MAP4K3: variants seen among roughly 807,000 people sequenced by gnomAD.
The protein encoded by MAP4K3 is mitogen-activated protein kinase kinase kinase kinase 3, also known as MAPK/ERK kinase kinase kinase 3.
In MAP4K3, 94 loss-of-function variants were observed where a neutral mutation model predicts 143.5. The observed-to-expected ratio is 0.65, with a 90% CI of 0.55 to 0.78. The LOEUF is 0.78. Ranked by LOEUF, MAP4K3 falls within the 30% of genes least tolerant of loss-of-function variation. The pLI is 0.00. For missense variants in MAP4K3, 1,077 were observed against 1,068.1 expected (o/e 1.01, Z -0.12); for synonymous variants, 416 against 347.2 (o/e 1.20, Z -2.20).
chr2:39,398,295 A>C (rs1448899569), intron 1 of MAP4K3, among the ~76,000 whole-genome samples: 2 of 152,162 alleles, frequency 1.3e-5, no homozygotes, highest in Admixed American at 1.3e-4. Flanking sequence ...CTATATAGTA[A>C]AAAAAGAAAA....
rs56299783 is a variant in MAP4K3 at position 39,295,715 on chromosome 2, GTTTTTTT to G, written c.1179-2454_1179-2448del. 6.1e-5 allele frequency among the ~76,000 whole-genome samples: 6 copies of G among 98,548 alleles called. No homozygotes were observed. The Admixed American group carries it at 7.0e-4, about 12-fold the overall frequency. 64.7% of individuals were successfully genotyped at this position (98,548 alleles called of 152,430 possible). A position where few individuals can be genotyped will look rare whatever the true frequency, so the allele number is the denominator to read the frequency against. On this transcript the variant is annotated intron_variant, in intron 16 of 33. Coordinates refer to ENST00000263881, the MANE Select transcript of MAP4K3 (RefSeq NM_003618.4). ...GATTTATATTGCATTCGCATTCCAT[GTTTTTTT>G]TTTTTTTTTTTTTGAGATGGAGTCT...
chr2:39,384,025 G>T (rs903794995), intron 1 of MAP4K3, among the ~76,000 whole-genome samples: 1 of 151,334 alleles, frequency 6.6e-6, no homozygotes, highest in African/African-American at 2.4e-5. Context: ...GTGGGAGGAG[G>T]ATCAATTGAG....
chr2:39,266,654 G>T (rs1680779449), intron 27 of MAP4K3, among the ~76,000 whole-genome samples: 1 of 152,040 alleles, frequency 6.6e-6, no homozygotes, highest in African/African-American at 2.4e-5. Flanking sequence ...TATACTTGTG[G>T]TATAATGACT....
At chr2:39,306,173 T>A (rs915879906) in intron 15 of MAP4K3, among the ~76,000 whole-genome samples, 1 of 152,242 alleles carries the variant, frequency 6.6e-6, no homozygotes, top group Non-Finnish European at 1.5e-5. Context: ...TTTGTTGTTA[T>A]CTTTTCTACA....
At chr2:39,309,780 G>A (rs978236388) in intron 13 of MAP4K3, among the ~76,000 whole-genome samples, 1 of 151,544 alleles carries the variant, frequency 6.6e-6, no homozygotes, top group Non-Finnish European at 1.5e-5. Flanking sequence ...GGATGGTCTC[G>A]ATCCCCTGAC....
chr2:39,396,518 C>T (rs55802549), intron 1 of MAP4K3, among the ~76,000 whole-genome samples: 2,221 of 147,828 alleles, frequency 0.015, 57 homozygotes, highest in African/African-American at 0.052. Context: ...CTCACTTTGT[C>T]GCCCAGGCTG....
chr2:39,288,193 G>C lies in MAP4K3; in HGVS notation c.1402C>G (p.Pro468Ala), dbSNP rs1176716171. The part of the protein sequence containing the change: ...TIKRCPMSGS[P>A]AKPSQVPPRP... The stretch of plus-strand genomic sequence containing the variant: ...GGTGGAACTTGGGATGGCTTTGCTG[G>C]GCTCCCTGACATGGGACATCTCTTG... Residue 468 changes from proline (P) to alanine (A), a missense_variant, in exon 20 of 34, where the codon CCA becomes GCA. Transcript: ENST00000263881. 3 of 1,614,032 alleles carry C rather than the reference G, an allele frequency of 1.9e-6. No individual in the cohort carries two copies. The highest frequency in any genetic ancestry group is 2.5e-6 in the Non-Finnish European group (3 of 1,179,988).
intron 4 of MAP4K3, among the ~76,000 whole-genome samples, chr2:39,342,108 G>GTATTATTATTAT (rs113261872): frequency 1.4e-5 from 2 of 143,144 alleles, no homozygotes; most frequent in South Asian, 2.3e-4. Context: ...TGTCTTTCTA[G>GTATTATTATTAT]TATTATTATT....
intron 28 of MAP4K3, among the ~76,000 whole-genome samples, chr2:39,262,748 C>G (rs1029995241): frequency 2.0e-5 from 3 of 152,094 alleles, no homozygotes; most frequent in Non-Finnish European, 2.9e-5. Context: ...CGGTGCCTTG[C>G]CTGCAATAGG....
In MAP4K3 at chr2:39,309,484, CCTTT is replaced by C. The variant is rs1396665306; in HGVS notation, c.1029_1032del (p.Lys344ArgfsTer45). On this transcript the variant is annotated frameshift_variant, in exon 14 of 34. Coordinates refer to ENST00000263881, the MANE Select transcript of MAP4K3 (RefSeq NM_003618.4). LOFTEE classifies it high-confidence loss of function. ...ACAAGTTCATGATGTGGTTCTGTCTCCTTTCTTAAGGGTGGATCAAATTTCACTT... is the reference window on the plus strand; with the variant it reads ...ACAAGTTCATGATGTGGTTCTGTCTCCTTAAGGGTGGATCAAATTTCACTT... 1.3e-6 allele frequency: 2 copies of C among 1,593,948 alleles called. No homozygotes were observed. Among genetic ancestry groups the C allele is most frequent in the African/African-American group, 1.4e-5 (1 of 73,408 alleles).
At chr2:39,260,447 G>A (rs1286115010) in intron 29 of MAP4K3, among the ~76,000 whole-genome samples, 159 bp downstream of exon 29, 3 of 152,162 alleles carry the variant, frequency 2.0e-5, no homozygotes, top group Non-Finnish European at 1.5e-5. Flanking sequence ...ATATGAATTA[G>A]CTATTTTAAA....
At chr2:39,428,222 TCTC>T in intron 1 of MAP4K3, among the ~76,000 whole-genome samples, 1 of 152,334 alleles carries the variant, frequency 6.6e-6, no homozygotes, top group South Asian at 2.1e-4. Context: ...TTCTTTAGGA[TCTC>T]CTAAACAACC....
At chr2:39,379,498 T>G (rs1666306630) in intron 1 of MAP4K3, among the ~76,000 whole-genome samples, 1 of 152,064 alleles carries the variant, frequency 6.6e-6, no homozygotes, top group Non-Finnish European at 1.5e-5. Context: ...TTCCTTTCTC[T>G]AGGAAGAAAA....
intron 1 of MAP4K3, among the ~76,000 whole-genome samples, chr2:39,413,641 G>A (rs1189233451): frequency 1.3e-5 from 2 of 152,006 alleles, no homozygotes; most frequent in Non-Finnish European, 2.9e-5. Context: ...TAAATAGAAA[G>A]TGAACACAAT....
intron 5 of MAP4K3, 46 bp from the exon 6 acceptor site, chr2:39,337,013 G>A: frequency 1.0e-6 from 1 of 968,884 alleles, no homozygotes; most frequent in South Asian, 1.5e-5. Flanking sequence ...TTATCAAAGA[G>A]CACTCTTTTG....
In MAP4K3 at chr2:39,437,055, G is replaced by A. The variant is rs1665514398; in HGVS notation, c.-68C>T. On this transcript the variant is annotated 5_prime_UTR_variant, in exon 1 of 34. Transcript: ENST00000263881. ...GGGGGGCCGCTCAGGGGGCCACACG[G>A]AGAGAGGGCGCCGCGGCCGGCTCCC... The A allele has an allele frequency of 1.6e-6, 2 of 1,213,106 alleles. No individual in the cohort carries two copies. Among genetic ancestry groups the A allele is most frequent in the South Asian group, 2.9e-5 (2 of 68,864 alleles). The allele number at this position is 1,213,106 out of a possible 1,614,324, so 75.1% of individuals were successfully genotyped here. A position where few individuals can be genotyped will look rare whatever the true frequency, so the allele number is the denominator to read the frequency against.
chr2:39,287,029 C>T (rs1048324387), intron 20 of MAP4K3, 65 bp from the exon 21 acceptor site: 3 of 979,846 alleles, frequency 3.1e-6, no homozygotes. Context: ...AGAAAGTTAT[C>T]AAGTAGGAAA....
At chr2:39,325,706 T>C (rs373879519) in intron 11 of MAP4K3, 24 bp downstream of exon 11, 1 of 1,578,560 alleles carries the variant, frequency 6.3e-7, no homozygotes, top group East Asian at 2.2e-5. Flanking sequence ...AATATATATA[T>C]ATATTTCAGG....
intron 12 of MAP4K3, among the ~76,000 whole-genome samples, 177 bp downstream of exon 12, chr2:39,325,341 T>G (rs968719526): frequency 6.6e-6 from 1 of 152,184 alleles, no homozygotes; most frequent in Non-Finnish European, 1.5e-5. Flanking sequence ...AAGAAAAACC[T>G]AGCATTTGAC....
Sources: gnomAD v4.1 joint callset for allele counts (sites outside exome capture counted in the v4.1 genomes callset) on GRCh38, gnomAD v4.1.1 for gene constraint, MANE v1.5 for transcripts, NCBI Gene and HGNC (gene_info 2026-07-23, HGNC 2026-07-21) for gene names.